Variants in GYPC observed in about 807,000 individuals in gnomAD.
GYPC encodes the protein glycophorin-C.
Under a neutral mutation model 12.6 loss-of-function variants are expected in GYPC, and 14 were observed. That is an observed-to-expected ratio of 1.11 (90% confidence interval 0.74 to 1.74). The LOEUF (loss-of-function observed/expected upper bound fraction) is 1.74. Among genes scored for constraint, GYPC ranks in the 40% most tolerant of loss-of-function variants. The pLI, the probability that GYPC is intolerant of heterozygous loss-of-function variation, is 0.00. For missense variants in GYPC, 225 were observed against 172.1 expected, an observed-to-expected ratio of 1.31 and a Z score of -1.72; for synonymous variants, 78 against 62.1, an observed-to-expected ratio of 1.26 and a Z score of -1.20.
chr2:126,690,348 C>G, intron 2 of GYPC, 37 bp downstream of exon 2: 1 of 1,455,456 alleles, frequency 6.9e-7, no homozygotes, highest in Non-Finnish European at 9.7e-7. Flanking sequence ...ATAATGGAAA[C>G]TGCCGTGACT....
At chr2:126,685,747 C>T in intron 1 of GYPC, 2 of 978,448 alleles carry the variant, frequency 2.0e-6, no homozygotes, top group Non-Finnish European at 2.4e-6. Flanking sequence ...AGGTAACTGC[C>T]ACAGCACCTG....
intron 1 of GYPC, among the ~76,000 whole-genome samples, chr2:126,677,547 G>A (rs1322538873): frequency 1.3e-5 from 2 of 151,362 alleles, no homozygotes; most frequent in Non-Finnish European, 3.0e-5. Context: ...GTGTGTATGT[G>A]AGTGTGTGTA....
chr2:126,675,588 C>A, intron 1 of GYPC: 2 of 497,238 alleles, frequency 4.0e-6, no homozygotes, highest in Non-Finnish European at 2.6e-6. Context: ...CTATTCTAAA[C>A]AATGGGCTCT....
intron 1 of GYPC, among the ~76,000 whole-genome samples, chr2:126,671,286 A>G (rs1303401948): frequency 1.3e-5 from 2 of 152,210 alleles, no homozygotes; most frequent in Admixed American, 1.3e-4. Context: ...TGCCCTGCAG[A>G]AAATCCCCAC....
chr2:126,694,771 C>A (rs887731849), intron 3 of GYPC, among the ~76,000 whole-genome samples: 1 of 140,696 alleles, frequency 7.1e-6, no homozygotes, highest in African/African-American at 2.8e-5. Context: ...AGTCCCTCCC[C>A]AAGGCCTCCA....
chr2:126,669,765 T>C (rs760141646), intron 1 of GYPC, among the ~76,000 whole-genome samples: 4 of 152,200 alleles, frequency 2.6e-5, no homozygotes, highest in African/African-American at 9.6e-5. Context: ...GAAGTTCCGA[T>C]GAGCTAGTGT....
At chr2:126,685,345 GC>G (rs1350476301) in intron 1 of GYPC, among the ~76,000 whole-genome samples, 1 of 150,952 alleles carries the variant, frequency 6.6e-6, no homozygotes, top group Non-Finnish European at 1.5e-5. Context: ...TTTGCACAAA[GC>G]CTTTCTGCTT....
At chr2:126,689,309 G>A (rs1291501638) in intron 1 of GYPC, among the ~76,000 whole-genome samples, 5 of 152,302 alleles carry the variant, frequency 3.3e-5, no homozygotes, top group Middle Eastern at 3.4e-3. Context: ...GGCACATCAC[G>A]TCTCTGAGCC....
chr2:126,669,729 G>A (rs940320832), intron 1 of GYPC, among the ~76,000 whole-genome samples: 1 of 152,166 alleles, frequency 6.6e-6, no homozygotes, highest in Non-Finnish European at 1.5e-5. Context: ...GCGGTCACAG[G>A]AGGATGAAAT....
intron 1 of GYPC, among the ~76,000 whole-genome samples, chr2:126,660,883 T>G (rs28387095): frequency 0.059 from 9,041 of 152,210 alleles, 462 homozygotes; most frequent in African/African-American, 0.13. Context: ...TCCCACCTTC[T>G]CACCCAGCTG....
At chr2:126,673,027 C>T (rs577255043) in intron 1 of GYPC, among the ~76,000 whole-genome samples, 1 of 152,178 alleles carries the variant, frequency 6.6e-6, no homozygotes, top group East Asian at 1.9e-4. Context: ...AAGTCACACT[C>T]GAGGTCAGGA....
intron 1 of GYPC, among the ~76,000 whole-genome samples, chr2:126,680,898 ACG>A (rs1683133333): frequency 6.6e-6 from 1 of 152,208 alleles, no homozygotes; most frequent in South Asian, 2.1e-4. Context: ...ACGCCTGCTC[ACG>A]GGAGACACCG....
In GYPC at chr2:126,666,204, C is replaced by T. The variant is rs116724129; in HGVS notation, c.49+9892C>T. Among the ~76,000 whole-genome samples the T allele has an allele frequency of 2.2e-3, 336 of 152,266 alleles. 3 individuals are homozygous for T. The highest frequency in any genetic ancestry group is 7.8e-3 in the African/African-American group (325 of 41,548). ...AGCCCAGGCCAACCCACTCTTCCCC[C>T]GGGGAAGGAGTGGGCAGCTGCCTCC... On this transcript the variant is annotated intron_variant, in intron 1 of 3. Coordinates refer to ENST00000259254, the MANE Select transcript of GYPC (RefSeq NM_002101.5).
Position 126,696,361 on chromosome 2 carries a change from C to A in GYPC, c.*219C>A, listed in dbSNP as rs934026337. 21 of 559,648 alleles carry A rather than the reference C, an allele frequency of 3.8e-5. No homozygotes were observed. In the Admixed American group the frequency reaches 3.9e-4, roughly 10 times the overall value. 34.7% of individuals were successfully genotyped at this position (559,648 alleles called of 1,614,324 possible). ...TCCCAGGGACCCAGGGAGGCGATGG[C>A]CACCCCAGAGGCCACCTTTTGCTCC... On this transcript the variant is annotated 3_prime_UTR_variant, in exon 4 of 4. Transcript: ENST00000259254.
At chr2:126,680,478 C>T (rs1019564802) in intron 1 of GYPC, 2 of 152,218 alleles carry the variant, frequency 1.3e-5, no homozygotes, top group Non-Finnish European at 2.9e-5. Flanking sequence ...ACACTGGAGA[C>T]CCCTGAGAGG....
At chr2:126,663,950 GTCTC>G (rs61649506) in intron 1 of GYPC, among the ~76,000 whole-genome samples, 8,436 of 129,012 alleles carry the variant, frequency 0.065, 352 homozygotes, top group East Asian at 0.12. Context: ...TAAGGTTCTG[GTCTC>G]TCTCTCTCTC....
intron 1 of GYPC, chr2:126,675,869 T>C: frequency 5.5e-6 from 1 of 181,048 alleles, no homozygotes; most frequent in Non-Finnish European, 1.1e-5. Flanking sequence ...TAGCCATTTA[T>C]ATTCTTTCAT....
rs932482961 is a variant in GYPC, at chr2:126,663,833, G to A, written c.49+7521G>A. ...GTGAAGCCGGGGGCCTCCTTCCCTC[G>A]GCTCACCTGGCCCTCATGCGCTCTA... On this transcript the variant is annotated intron_variant, in intron 1 of 3. Transcript: ENST00000259254. 3.3e-5 allele frequency among the ~76,000 whole-genome samples: 5 copies of A among 152,116 alleles called. No individual in the cohort carries two copies. In the South Asian group the frequency reaches 1.0e-3, roughly 32 times the overall value.
chr2:126,688,532 G>C (rs1164223780), intron 1 of GYPC, among the ~76,000 whole-genome samples: 1 of 152,180 alleles, frequency 6.6e-6, no homozygotes, highest in Non-Finnish European at 1.5e-5. Flanking sequence ...TCCTGCTTCA[G>C]GTCTTGCTAC....
Sources: allele counts gnomAD v4.1 joint callset (sites outside exome capture counted in the v4.1 genomes callset), GRCh38; gene constraint gnomAD v4.1.1; transcripts MANE v1.5; gene names NCBI Gene and HGNC (gene_info 2026-07-23, HGNC 2026-07-21).